The following ZNF462 variants were observed in gnomAD, a reference collection of about 807,000 sequenced individuals.
ZNF462 encodes zinc finger protein 462.
In ZNF462, 10 loss-of-function variants were observed where a neutral mutation model predicts 201.9. The observed-to-expected ratio is 0.05, with a 90% CI of 0.03 to 0.08. ZNF462 has a LOEUF of 0.08. Ranked by LOEUF, ZNF462 falls within the 10% of genes least tolerant of loss-of-function variation. The pLI is 1.00. For synonymous variants in ZNF462, 1,227 were observed against 1,193.3 expected, an observed-to-expected ratio of 1.03 and a Z score of -0.58; for missense variants, 2,523 against 3,168.3, an observed-to-expected ratio of 0.80 and a Z score of 4.89.
At chr9:106,869,799 TTG>T (rs1456045951) in intron 1 of ZNF462, among the ~76,000 whole-genome samples, 9 of 152,140 alleles carry the variant, frequency 5.9e-5, no homozygotes, top group African/African-American at 1.9e-4. Context: ...GAGAAGATAA[TTG>T]TAAGTTGAAC....
At chr9:106,896,689 G>A (rs1251523962) in intron 1 of ZNF462, among the ~76,000 whole-genome samples, 1 of 152,196 alleles carries the variant, frequency 6.6e-6, no homozygotes, top group Non-Finnish European at 1.5e-5. Context: ...GATCAGTGAG[G>A]TCGACTGATT....
chr9:106,870,414 T>G lies in ZNF462; in HGVS notation c.-31+7059T>G, dbSNP rs1827537752. Reference sequence around the variant, plus strand: ...CTGGATATTAATAAAATACTTGTGCTGCGCCTGTCCACATCTTACCCCCAA... The same window carrying G: ...CTGGATATTAATAAAATACTTGTGCGGCGCCTGTCCACATCTTACCCCCAA... On this transcript the variant is annotated intron_variant, in intron 1 of 12. Transcript: ENST00000277225. This position sits in a 1 kb window ranked among gnomAD's most constrained non-coding sequence, Gnocchi z 4.3. 6.6e-6 allele frequency among the ~76,000 whole-genome samples: 1 copy of G among 152,232 alleles called. No individual in the cohort carries two copies. Among genetic ancestry groups the G allele is most frequent in the African/African-American group, 2.4e-5 (1 of 41,472 alleles).
intron 1 of ZNF462, among the ~76,000 whole-genome samples, chr9:106,899,998 A>G (rs993124271): frequency 2.3e-5 from 3 of 132,558 alleles, no homozygotes; most frequent in Non-Finnish European, 4.8e-5. Context: ...CCCCCCTCCC[A>G]CTCTTCCCCC....
chr9:106,910,372 T>TTG, intron 1 of ZNF462, among the ~76,000 whole-genome samples: 1 of 145,440 alleles, frequency 6.9e-6, no homozygotes, highest in African/African-American at 2.7e-5. Context: ...GTTTTTTTTT[T>TTG]TTTTTTTTTT....
At chr9:106,868,466 G>A (rs924170330) in intron 1 of ZNF462, among the ~76,000 whole-genome samples, 1 of 152,176 alleles carries the variant, frequency 6.6e-6, no homozygotes, top group Non-Finnish European at 1.5e-5. Flanking sequence ...AAGTTTCGGG[G>A]TGAGGAGCAA....
Position 107,010,978 on chromosome 9 carries a change from T to A in ZNF462, c.7469T>A (p.Val2490Glu), listed in dbSNP as rs1336048209. 4 of 1,613,652 alleles carry A rather than the reference T, an allele frequency of 2.5e-6. No homozygotes were observed. Among genetic ancestry groups the A allele is most frequent in the Non-Finnish European group, 3.4e-6 (4 of 1,179,902 alleles). Residue 2490 changes from valine (V) to glutamate (E), a missense_variant, in exon 13 of 13, where the codon GTA becomes GAA. Val to Glu is a moderately radical substitution (Grantham distance 121). Coordinates refer to ENST00000277225, the MANE Select transcript of ZNF462 (RefSeq NM_021224.6). This position sits in a 1 kb window ranked among gnomAD's most constrained non-coding sequence, Gnocchi z 4.6. ...AAGAATGAAACAGTAGCCATCTGTG[T>A]AGTAACTGCCGACAAATCTCTCCTG... The part of the protein sequence containing the change: ...SLKNETVAIC[V>E]VTADKSLLEN...
At chr9:106,889,251 GGGA>G (rs1828465096) in intron 1 of ZNF462, among the ~76,000 whole-genome samples, 1 of 152,136 alleles carries the variant, frequency 6.6e-6, no homozygotes, top group Non-Finnish European at 1.5e-5. Flanking sequence ...CCTTTTAAAA[GGGA>G]GGCCTCAGAA....
chr9:106,920,411 A>G lies in ZNF462; in HGVS notation c.-30-2943A>G, dbSNP rs1829944397. The stretch of plus-strand genomic sequence containing the variant: ...GGAGAAATGTGTACACAAAAGCAAG[A>G]TGGCTTTCAAAGTAGGCTACATCCT... On this transcript the variant is annotated intron_variant, in intron 1 of 12. Coordinates refer to ENST00000277225, the MANE Select transcript of ZNF462 (RefSeq NM_021224.6). The surrounding 1 kb of genome is among the most constrained non-coding windows in gnomAD (Gnocchi z 4.3). 6.6e-6 allele frequency among the ~76,000 whole-genome samples: 1 copy of G among 152,194 alleles called. No individual in the cohort carries two copies. The highest frequency in any genetic ancestry group is 6.5e-5 in the Admixed American group (1 of 15,280).
rs1346387048 is a variant in ZNF462, at chr9:106,920,825, G to C, written c.-30-2529G>C. On this transcript the variant is annotated intron_variant, in intron 1 of 12. Transcript: ENST00000277225. This position sits in a 1 kb window ranked among gnomAD's most constrained non-coding sequence, Gnocchi z 4.3. ...GCCGAAGGTGCCCTGCTTTCCTTCTGCAGAACCGTAACTTCTGTTGATGTT... is the reference window on the plus strand; with the variant it reads ...GCCGAAGGTGCCCTGCTTTCCTTCTCCAGAACCGTAACTTCTGTTGATGTT... 6.6e-6 allele frequency among the ~76,000 whole-genome samples: 1 copy of C among 152,164 alleles called. No homozygotes were observed. Among genetic ancestry groups the C allele is most frequent in the Admixed American group, 6.5e-5 (1 of 15,284 alleles).
rs1827836191 is a variant in ZNF462, at chr9:106,876,501, CA to C, written c.-31+13147del. On this transcript the variant is annotated intron_variant, in intron 1 of 12. Transcript: ENST00000277225. The surrounding 1 kb of genome is among the most constrained non-coding windows in gnomAD (Gnocchi z 4.9). ...CTTTACTGATGAGTAGTCTTTGCTG[CA>C]GTTGTCCATTCCCAGCTAGACTTTA... 1.3e-5 allele frequency among the ~76,000 whole-genome samples: 2 copies of C among 152,182 alleles called. No homozygotes were observed. The highest frequency in any genetic ancestry group is 1.3e-4 in the Admixed American group (2 of 15,282).
intron 7 of ZNF462, among the ~76,000 whole-genome samples, chr9:106,943,059 C>CGTGTGTGTGTGTGTGTGTGTGT (rs3056311): frequency 1.4e-5 from 2 of 143,154 alleles, no homozygotes; most frequent in East Asian, 2.1e-4. Flanking sequence ...TTTGCGCGCG[C>CGTGTGTGTGTGTGTGTGTGTGT]GTGTGTGTGT....
intron 7 of ZNF462, among the ~76,000 whole-genome samples, chr9:106,946,439 A>T (rs903317684): frequency 3.3e-5 from 5 of 152,128 alleles, no homozygotes; most frequent in Non-Finnish European, 7.4e-5. Flanking sequence ...ATTTTAGCCC[A>T]ATTTTACTTG....
upstream of ZNF462, among the ~76,000 whole-genome samples, chr9:106,860,179 C>T (rs540436102): frequency 3.8e-4 from 58 of 152,174 alleles, no homozygotes; most frequent in African/African-American, 1.3e-3. This position sits in a 1 kb window ranked among gnomAD's most constrained non-coding sequence, Gnocchi z 7.1. Flanking sequence ...CCCCCGCGGC[C>T]GGTTCGGGAG....
Position 106,954,697 on chromosome 9 carries a change from C to T in ZNF462, c.6427+15590C>T, listed in dbSNP as rs1367199658. On this transcript the variant is annotated intron_variant, in intron 7 of 12. Coordinates refer to ENST00000277225, the MANE Select transcript of ZNF462 (RefSeq NM_021224.6). This position sits in a 1 kb window ranked among gnomAD's most constrained non-coding sequence, Gnocchi z 4.0. The stretch of plus-strand genomic sequence containing the variant: ...CTCCACATGCCCAGGTACTACCTGT[C>T]TTTCAAAGCCACTTGCAAATTCCTT... 6.6e-6 allele frequency among the ~76,000 whole-genome samples: 1 copy of T among 152,046 alleles called. No individual in the cohort carries two copies. The highest frequency in any genetic ancestry group is 2.4e-5 in the African/African-American group (1 of 41,392).
chr9:106,999,168 T>C (rs190298491), intron 10 of ZNF462, among the ~76,000 whole-genome samples: 1 of 152,298 alleles, frequency 6.6e-6, no homozygotes, highest in East Asian at 1.9e-4. Flanking sequence ...TCTCCCTTTG[T>C]TGTGGGCCTT....
intron 1 of ZNF462, among the ~76,000 whole-genome samples, chr9:106,888,199 G>A (rs1324617901): frequency 2.0e-5 from 3 of 151,770 alleles, no homozygotes; most frequent in African/African-American, 7.3e-5. Flanking sequence ...CCGCCACCGC[G>A]CCCGGCTAAT....
chr9:106,874,779 T>A (rs142860133), intron 1 of ZNF462, among the ~76,000 whole-genome samples: 188 of 152,290 alleles, frequency 1.2e-3, no homozygotes, highest in African/African-American at 4.4e-3. Flanking sequence ...GAAGTGGTGT[T>A]GAAGAACAGA....
At position 106,924,375 on chromosome 9, in the gene ZNF462, C is replaced by A. The variant is rs534931442; in HGVS notation, c.463C>A (p.His155Asn). ...ATCCTTAAATTATAATATCATGATGCACGAGGGATTTGGAAAGGTCTTCTC... is the reference window on the plus strand; with the variant it reads ...ATCCTTAAATTATAATATCATGATGAACGAGGGATTTGGAAAGGTCTTCTC... ...PGSLNYNIMM[H>N]EGFGKVFSCQ... Residue 155 changes from histidine (H) to asparagine (N), a missense_variant, in exon 3 of 13, where the codon CAC (histidine) becomes AAC (asparagine). His to Asn is a moderately conservative substitution (Grantham distance 68, BLOSUM62 1). This residue lies in a region of ZNF462 where 480 missense variants were observed against 544.4 expected (regional missense o/e 0.88). Coordinates refer to ENST00000277225, the MANE Select transcript of ZNF462 (RefSeq NM_021224.6). This position sits in a 1 kb window ranked among gnomAD's most constrained non-coding sequence, Gnocchi z 6.2. The A allele has an allele frequency of 1.2e-6, 2 of 1,614,156 alleles. No individual in the cohort carries two copies. The highest frequency in any genetic ancestry group is 2.7e-5 in the African/African-American group (2 of 75,044).
chr9:106,925,628 T>G lies in ZNF462; in HGVS notation c.1716T>G (p.His572Gln). The change falls in exon 3 of 13, where the codon CAT (histidine) becomes CAG (glutamine). Residue 572 changes from histidine (H) to glutamine (Q), a missense_variant. By Grantham distance (24) the His-to-Gln change is conservative. Coordinates refer to ENST00000277225, the MANE Select transcript of ZNF462 (RefSeq NM_021224.6). The surrounding 1 kb of genome is among the most constrained non-coding windows in gnomAD (Gnocchi z 7.9). The stretch of plus-strand genomic sequence containing the variant: ...AGCCACCACAGCTGCAGCCACCACA[T>G]CAGGTGCCACCCCAGCCACAAACAC... The part of the protein sequence containing the change: ...QPQPPQLQPP[H>Q]QVPPQPQTQP... 1 of 1,612,166 alleles carries G rather than the reference T, an allele frequency of 6.2e-7. No homozygotes were observed. Among genetic ancestry groups the G allele is most frequent in the Non-Finnish European group, 8.5e-7 (1 of 1,179,340 alleles).
Sources: allele counts gnomAD v4.1 joint callset (sites outside exome capture counted in the v4.1 genomes callset), GRCh38; gene constraint gnomAD v4.1.1; regional missense constraint gnomAD v4.1.1; non-coding constraint Gnocchi (gnomAD v3.1); transcripts MANE v1.5; gene names NCBI Gene and HGNC (gene_info 2026-07-23, HGNC 2026-07-21).